Variants in ADAM28 observed in about 807,000 individuals in gnomAD.
The protein encoded by ADAM28 is disintegrin and metalloproteinase domain-containing protein 28.
A neutral mutation model predicts 101.2 loss-of-function variants in ADAM28; 105 were observed. The ratio of observed to expected loss-of-function variants is 1.04; its 90% confidence interval spans 0.89 to 1.22. The LOEUF (loss-of-function observed/expected upper bound fraction) is 1.22. ADAM28 is among the 50% of genes most tolerant of loss of function. The pLI, the probability that ADAM28 is intolerant of heterozygous loss-of-function variation, is 0.00. For synonymous variants in ADAM28, 322 were observed against 310.6 expected (o/e 1.04, Z -0.39); for missense variants, 1,028 against 945.4 (o/e 1.09, Z -1.15).
At chr8:24,328,604 T>A (rs1430726851) in intron 10 of ADAM28, among the ~76,000 whole-genome samples, 9 of 152,028 alleles carry the variant, frequency 5.9e-5, no homozygotes, top group Non-Finnish European at 4.4e-5. Flanking sequence ...TAGGAATTCA[T>A]AACAGATGAT....
At chr8:24,296,645 T>C (rs62502709) in intron 1 of ADAM28, among the ~76,000 whole-genome samples, 14,572 of 152,206 alleles carry the variant, frequency 0.096, 903 homozygotes, top group East Asian at 0.24. Context: ...CTCAAAACAG[T>C]CAAAAATAAT....
At position 24,331,258 on chromosome 8, in the gene ADAM28, C is replaced by T. The variant is rs865847598; in HGVS notation, c.1212C>T (p.Ile404=). The T allele has an allele frequency of 3.1e-6, 5 of 1,612,810 alleles. No homozygotes were observed. In the South Asian group the frequency reaches 3.3e-5, roughly 11 times the overall value. The change falls in exon 12 of 23, where the codon ATC becomes ATT. Residue 404 remains isoleucine, a synonymous_variant. Coordinates refer to ENST00000265769, the MANE Select transcript of ADAM28 (RefSeq NM_014265.6). ...CLFNAPLPTD[I]ISTPICGNQL... ...TTAATGCTCCATTGCCTACAGATAT[C>T]ATATCCACTCCAATTTGTGGGAACC...
chr8:24,353,716 T>A (rs1233926185), intron 21 of ADAM28, 54 bp from the exon 22 acceptor site: 1 of 1,113,898 alleles, frequency 9.0e-7, no homozygotes, highest in African/African-American at 1.6e-5. Context: ...ATAGCTAAGA[T>A]GGGACAAGCA....
chr8:24,339,081 C>T (rs1814442795), intron 14 of ADAM28, among the ~76,000 whole-genome samples: 1 of 151,978 alleles, frequency 6.6e-6, no homozygotes, highest in South Asian at 2.1e-4. Context: ...GACACTTGCC[C>T]ATGTTCACAC....
At chr8:24,310,476 A>G in intron 4 of ADAM28, 1 of 392,116 alleles carries the variant, frequency 2.6e-6, no homozygotes, top group South Asian at 3.4e-5. Context: ...CCCCTGTAGG[A>G]GGGTGGGTAG....
At chr8:24,337,492 G>T (rs1043853468) in intron 14 of ADAM28, among the ~76,000 whole-genome samples, 2 of 152,184 alleles carry the variant, frequency 1.3e-5, no homozygotes, top group Middle Eastern at 3.2e-3. Flanking sequence ...CAGGGACATT[G>T]TCTACATTGT....
At chr8:24,313,723 T>A in intron 6 of ADAM28, 143 bp downstream of exon 6, 1 of 838,940 alleles carries the variant, frequency 1.2e-6, no homozygotes, top group Non-Finnish European at 1.8e-6. Flanking sequence ...TGCTAGACAT[T>A]AATGATTCAT....
chr8:24,310,197 T>C lies in ADAM28; in HGVS notation c.262T>C (p.Tyr88His), dbSNP rs781539590. 11 of 1,613,502 alleles carry C rather than the reference T, an allele frequency of 6.8e-6. No individual in the cohort carries two copies. The highest frequency in any genetic ancestry group is 9.3e-6 in the Non-Finnish European group (11 of 1,179,628). Residue 88 changes from tyrosine to histidine, a missense_variant, in exon 4 of 23, where the codon TAT (tyrosine) becomes CAT (histidine). By Grantham distance (83) the Tyr-to-His change is moderately conservative (BLOSUM62 2). Transcript: ENST00000265769. ...LLAPGYTETY[Y>H]NSTGKEITTS... Reference sequence around the variant, plus strand: ...TGCACCAGGCTACACGGAAACATATTATAATTCCACTGGAAAGGAGATCAC... The same window carrying C: ...TGCACCAGGCTACACGGAAACATATCATAATTCCACTGGAAAGGAGATCAC...
chr8:24,303,316 G>A (rs968551708), intron 2 of ADAM28, among the ~76,000 whole-genome samples: 2 of 152,078 alleles, frequency 1.3e-5, no homozygotes, highest in Admixed American at 6.6e-5. Flanking sequence ...GTTAATTTTT[G>A]TATAAGGTGG....
rs995220808 is a variant in ADAM28 at position 24,351,314 on chromosome 8, A to T, written c.2178+4A>T. 6.2e-7 allele frequency: 1 copy of T among 1,613,064 alleles called. No individual in the cohort carries two copies. Among genetic ancestry groups the T allele is most frequent in the Non-Finnish European group, 8.5e-7 (1 of 1,179,170 alleles). The stretch of plus-strand genomic sequence containing the variant: ...AAAGGCTGTTCAACCCCAAGAGGTG[A>T]ACTATATAGTCTGGGCTGTGATTAC... On this transcript the variant is annotated splice_donor_region_variant and intron_variant, in intron 20 of 22. Coordinates refer to ENST00000265769, the MANE Select transcript of ADAM28 (RefSeq NM_014265.6).
At chr8:24,301,556 C>T (rs578008187) in intron 2 of ADAM28, among the ~76,000 whole-genome samples, 1 of 152,152 alleles carries the variant, frequency 6.6e-6, no homozygotes, top group East Asian at 1.9e-4. Flanking sequence ...TGTATTTTTA[C>T]AGTATTTTAT....
At chr8:24,316,349 C>T (rs1811162152) in intron 6 of ADAM28, among the ~76,000 whole-genome samples, 1 of 151,804 alleles carries the variant, frequency 6.6e-6, no homozygotes, top group Admixed American at 6.6e-5. Flanking sequence ...TTATCCTTGG[C>T]TTAGTTGGAA....
At chr8:24,321,539 G>A in intron 8 of ADAM28, 2 of 445,248 alleles carry the variant, frequency 4.5e-6, no homozygotes, top group South Asian at 2.3e-5. Flanking sequence ...AAGCTACATG[G>A]GTGCATTGTA....
At position 24,357,561 on chromosome 8, in the gene ADAM28, C is replaced by T. The variant is rs1044779987; in HGVS notation, c.*3157C>T. 13 of 152,068 alleles carry T rather than the reference C, an allele frequency of 8.5e-5. No individual in the cohort carries two copies. Among genetic ancestry groups the T allele is most frequent in the East Asian group, 1.9e-4 (1 of 5,184 alleles). 9.4% of individuals were successfully genotyped at this position (152,068 alleles called of 1,614,324 possible). On this transcript the variant is annotated 3_prime_UTR_variant, in exon 23 of 23. Coordinates refer to ENST00000265769, the MANE Select transcript of ADAM28 (RefSeq NM_014265.6). The stretch of plus-strand genomic sequence containing the variant: ...CAGATCTCTTGAGAGCTTACTATCT[C>T]GACAAAAGCATGGGGGAAACCACCC...
intron 2 of ADAM28, among the ~76,000 whole-genome samples, chr8:24,304,023 C>A (rs1222052345): frequency 2.6e-5 from 4 of 151,544 alleles, no homozygotes; most frequent in Admixed American, 6.6e-5. Flanking sequence ...TCCAAGAAAA[C>A]CCAACATTTA....
In ADAM28 at chr8:24,309,942, A is replaced by T; in HGVS notation, c.199A>T (p.Ile67Phe). 6.4e-7 allele frequency: 1 copy of T among 1,572,014 alleles called. No individual in the cohort carries two copies. The highest frequency in any genetic ancestry group is 1.1e-5 in the South Asian group (1 of 89,212). ...GTATAAAATGACAATTAATGGAAAA[A>T]TTGCAGTGCTTTATTTGAAAAAAAA... ...LKYKMTINGK[I>F]AVLYLKKNKN... The change falls in exon 3 of 23, where the codon ATT becomes TTT. Residue 67 changes from isoleucine (I) to phenylalanine (F), a missense_variant. By Grantham distance (21) the Ile-to-Phe change is conservative. Transcript: ENST00000265769.
At chr8:24,329,880 TGTGTGTGAGAGAGA>T (rs1457513245) in intron 10 of ADAM28, 91 bp from the exon 11 acceptor site, 9 of 950,226 alleles carry the variant, frequency 9.5e-6, no homozygotes, top group African/African-American at 5.2e-5. Flanking sequence ...TGTGTGTGTG[TGTGTGTGAGAGAGA>T]GAGAGAGAGA....
intron 2 of ADAM28, among the ~76,000 whole-genome samples, chr8:24,303,567 G>A (rs1037210933): frequency 6.6e-6 from 1 of 152,210 alleles, no homozygotes; most frequent in African/African-American, 2.4e-5. Flanking sequence ...CTTGAAGTCC[G>A]GTAGTATAAT....
At position 24,330,067 on chromosome 8, in the gene ADAM28, ATTC is replaced by A; in HGVS notation, c.1058_1060del (p.Ser353del). The A allele has an allele frequency of 6.2e-7, 1 of 1,613,678 alleles. No homozygotes were observed. The highest frequency in any genetic ancestry group is 8.5e-7 in the Non-Finnish European group (1 of 1,179,766). ...AACTTTGGAATGTTTCATGACGACT[ATTC>A]TTGCAAGTGTCCTTCTACAATATGT... On this transcript the variant is annotated inframe_deletion, in exon 11 of 23. Transcript: ENST00000265769.
Sources: allele counts gnomAD v4.1 joint callset (sites outside exome capture counted in the v4.1 genomes callset), GRCh38; gene constraint gnomAD v4.1.1; transcripts MANE v1.5; gene names NCBI Gene and HGNC (gene_info 2026-07-23, HGNC 2026-07-21).